Variants in KIF26B observed in about 807,000 individuals in gnomAD.
KIF26B encodes the protein kinesin-like protein KIF26B.
A neutral mutation model predicts 151.2 loss-of-function variants in KIF26B; 63 were observed. The ratio of observed to expected loss-of-function variants is 0.42; its 90% CI spans 0.34 to 0.51. KIF26B has a LOEUF of 0.51. Among genes scored for constraint, KIF26B ranks in the 20% least tolerant of loss-of-function variants. KIF26B has a pLI of 0.07. For synonymous variants in KIF26B, 1,357 were observed against 1,262.1 expected (o/e 1.08, Z -1.59); for missense variants, 2,813 against 2,913.6 (o/e 0.97, Z 0.79).
At position 245,421,337 on chromosome 1, in the gene KIF26B, C is replaced by T. The variant is rs1658482973; in HGVS notation, c.1166+1592C>T. 2.6e-5 allele frequency among the ~76,000 whole-genome samples: 4 copies of T among 152,162 alleles called. 1 individual carries two copies. The South Asian group carries it at 8.3e-4, about 32-fold the overall frequency. ...CTCTGGGGTACATCATGGATGCCCT[C>T]AGCTATCTCTCAGGCTATTGTATAA... On this transcript the variant is annotated intron_variant, in intron 4 of 14. Coordinates refer to ENST00000407071, the MANE Select transcript of KIF26B (RefSeq NM_018012.4).
At chr1:245,683,806 G>A (rs2044470495) in intron 10 of KIF26B, among the ~76,000 whole-genome samples, 1 of 152,212 alleles carries the variant, frequency 6.6e-6, no homozygotes, top group Non-Finnish European at 1.5e-5. Flanking sequence ...GTGGCAGGGG[G>A]ACTCCTTTTT....
At chr1:245,171,753 A>G (rs1668713239) in intron 2 of KIF26B, among the ~76,000 whole-genome samples, 1 of 152,210 alleles carries the variant, frequency 6.6e-6, no homozygotes, top group African/African-American at 2.4e-5. Context: ...GATGAAGAGC[A>G]TGGTTCTTGG....
chr1:245,217,105 A>T (rs1424721696), intron 2 of KIF26B, among the ~76,000 whole-genome samples: 1 of 152,162 alleles, frequency 6.6e-6, no homozygotes, highest in Non-Finnish European at 1.5e-5. Context: ...ATCTGGGGAC[A>T]CAAATGTGAT....
At chr1:245,413,192 CACAT>C (rs1674329191) in intron 3 of KIF26B, among the ~76,000 whole-genome samples, 1 of 152,212 alleles carries the variant, frequency 6.6e-6, no homozygotes, top group South Asian at 2.1e-4. Flanking sequence ...GTGACAGTGA[CACAT>C]ACACGTAACG....
In KIF26B at chr1:245,241,939, G is replaced by A. The variant is rs77118418; in HGVS notation, c.465+85256G>A. Among the ~76,000 whole-genome samples, 1,188 of 152,206 alleles carry A rather than the reference G, an allele frequency of 7.8e-3. 13 individuals are homozygous for A. The highest frequency in any genetic ancestry group is 0.027 in the African/African-American group (1,138 of 41,532). On this transcript the variant is annotated intron_variant, in intron 2 of 14. Transcript: ENST00000407071. This position sits in a 1 kb window ranked among gnomAD's most constrained non-coding sequence, Gnocchi z 5.0. ...ATCTCCAGCCATTCGAGATGCAGGC[G>A]TTGTCATTCCTTGAAATTCTCACGC...
At chr1:245,551,218 T>A (rs1263317284) in intron 5 of KIF26B, among the ~76,000 whole-genome samples, 2 of 152,140 alleles carry the variant, frequency 1.3e-5, no homozygotes, top group Non-Finnish European at 2.9e-5. Flanking sequence ...ATTTTTTGTA[T>A]TTTTTGTAGA....
At chr1:245,345,107 C>T (rs1465177382) in intron 2 of KIF26B, among the ~76,000 whole-genome samples, 2 of 152,178 alleles carry the variant, frequency 1.3e-5, no homozygotes, top group Non-Finnish European at 2.9e-5. Context: ...CTCAGTCAAC[C>T]TTGTGACCAT....
intron 2 of KIF26B, among the ~76,000 whole-genome samples, chr1:245,347,803 A>T (rs572447421): frequency 6.6e-6 from 1 of 152,240 alleles, no homozygotes; most frequent in African/African-American, 2.4e-5. Context: ...TTTGTAATAG[A>T]TAATAATTGT....
intron 2 of KIF26B, among the ~76,000 whole-genome samples, chr1:245,174,451 G>C (rs1448178165): frequency 1.3e-5 from 2 of 152,010 alleles, no homozygotes; most frequent in African/African-American, 4.8e-5. Flanking sequence ...GAAGGACAGA[G>C]AGACCAAGAA....
intron 2 of KIF26B, among the ~76,000 whole-genome samples, chr1:245,179,707 A>T (rs1376619367): frequency 6.6e-6 from 1 of 152,220 alleles, no homozygotes; most frequent in Admixed American, 6.5e-5. Context: ...TGTGTAAACA[A>T]GCAAACAACT....
chr1:245,222,244 C>T (rs1379608288), intron 2 of KIF26B, among the ~76,000 whole-genome samples: 1 of 152,138 alleles, frequency 6.6e-6, no homozygotes, highest in African/African-American at 2.4e-5. Context: ...CGAGACCAGC[C>T]TGGCCAACAT....
chr1:245,300,531 T>C (rs1227248798), intron 2 of KIF26B, among the ~76,000 whole-genome samples: 1 of 150,406 alleles, frequency 6.6e-6, no homozygotes, highest in East Asian at 1.9e-4. Context: ...TTTTTTCTTT[T>C]TTCTTTTTTT....
At chr1:245,443,894 TCATCTCCCTCACTGTTCACCCTGC>T (rs1659183139) in intron 4 of KIF26B, among the ~76,000 whole-genome samples, 5 of 106,130 alleles carry the variant, frequency 4.7e-5, no homozygotes, top group African/African-American at 1.1e-4. Flanking sequence ...CACCCTGCGG[TCATCTCCCTCACTGTTCACCCTGC>T]GGTCATCTCC....
chr1:245,687,710 C>A lies in KIF26B; in HGVS notation c.4727C>A (p.Thr1576Asn). The part of the protein sequence containing the change: ...AASGTPPSKA[T>N]LEGKVASPKH... ...TCGGGCACCCCGCCCTCCAAGGCTA[C>A]CCTGGAGGGGAAGGTGGCTTCCCCC... The change falls in exon 12 of 15, where the codon ACC (threonine) becomes AAC (asparagine). Residue 1576 changes from threonine (T) to asparagine (N), a missense_variant. Thr to Asn is a moderately conservative substitution (Grantham distance 65). This residue lies in a region of KIF26B where 2,060 missense variants were observed against 2,088.6 expected (regional missense o/e 0.99). Coordinates refer to ENST00000407071, the MANE Select transcript of KIF26B (RefSeq NM_018012.4). This position sits in a 1 kb window ranked among gnomAD's most constrained non-coding sequence, Gnocchi z 4.9. 6.3e-7 allele frequency: 1 copy of A among 1,582,230 alleles called. No homozygotes were observed. Among genetic ancestry groups the A allele is most frequent in the Non-Finnish European group, 8.6e-7 (1 of 1,164,514 alleles).
At position 245,560,814 on chromosome 1, in the gene KIF26B, C is replaced by T. The variant is rs1233452320; in HGVS notation, c.1350+19864C>T. 6.6e-6 allele frequency among the ~76,000 whole-genome samples: 1 copy of T among 152,224 alleles called. No individual in the cohort carries two copies. The highest frequency in any genetic ancestry group is 1.5e-5 in the Non-Finnish European group (1 of 68,042). The stretch of plus-strand genomic sequence containing the variant: ...CACTGCCCCTCACTCTCTGTCCCCA[C>T]AGCACAGGGACAGCCTCCGCAGACT... On this transcript the variant is annotated intron_variant, in intron 5 of 14. Transcript: ENST00000407071. This position sits in a 1 kb window ranked among gnomAD's most constrained non-coding sequence, Gnocchi z 4.3.
intron 3 of KIF26B, among the ~76,000 whole-genome samples, chr1:245,411,175 A>T (rs757718770): frequency 2.6e-5 from 4 of 152,226 alleles, no homozygotes; most frequent in Non-Finnish European, 4.4e-5. Flanking sequence ...CCTGCTTAGG[A>T]AAGGTTCATG....
intron 4 of KIF26B, among the ~76,000 whole-genome samples, chr1:245,537,123 A>G (rs919856084): frequency 9.9e-5 from 15 of 152,208 alleles, no homozygotes; most frequent in African/African-American, 3.4e-4. Context: ...ATGATGGGCA[A>G]GGTAGGTTCA....
chr1:245,565,384 G>A (rs924585553), intron 5 of KIF26B, among the ~76,000 whole-genome samples: 2 of 151,978 alleles, frequency 1.3e-5, no homozygotes, highest in Non-Finnish European at 2.9e-5. Flanking sequence ...CACCTCCCGG[G>A]TTCAAGCAAT....
At chr1:245,578,018 T>G (rs769767773) in intron 5 of KIF26B, among the ~76,000 whole-genome samples, 1 of 148,460 alleles carries the variant, frequency 6.7e-6, no homozygotes, top group Non-Finnish European at 1.5e-5. Flanking sequence ...TGTGGAACTC[T>G]GGGCAATGCA....
Sources: gnomAD v4.1 joint callset for allele counts (sites outside exome capture counted in the v4.1 genomes callset) on GRCh38, gnomAD v4.1.1 for gene constraint, gnomAD v4.1.1 regional missense constraint, Gnocchi (gnomAD v3.1) non-coding constraint, MANE v1.5 for transcripts, NCBI Gene and HGNC (gene_info 2026-07-23, HGNC 2026-07-21) for gene names.